The following PCDHGA7 variants were observed in gnomAD, a reference collection of about 807,000 sequenced individuals.
PCDHGA7 encodes the protein protocadherin gamma subfamily A, 7, also known as protocadherin gamma-A7.
In PCDHGA7, 44 loss-of-function variants were observed where a neutral mutation model predicts 58.3. The ratio of observed to expected loss-of-function variants is 0.75; its 90% CI spans 0.59 to 0.97. The LOEUF (loss-of-function observed/expected upper bound fraction) is 0.97. Ranked by LOEUF, PCDHGA7 falls within the 50% of genes least tolerant of loss-of-function variation. PCDHGA7 has a pLI of 0.00. For synonymous variants in PCDHGA7, 516 were observed against 504.2 expected, an observed-to-expected ratio of 1.02 and a Z score of -0.31; for missense variants, 1,266 against 1,188.7, an observed-to-expected ratio of 1.06 and a Z score of -0.96.
rs1412265811 is a variant in PCDHGA7, at chr5:141,461,565, A to G, written c.2425-33242A>G. Among the ~76,000 whole-genome samples the G allele has an allele frequency of 2.6e-5, 4 of 152,178 alleles. No individual in the cohort carries two copies. The East Asian group carries it at 7.7e-4, about 29-fold the overall frequency. On this transcript the variant is annotated intron_variant, in intron 1 of 3. Coordinates refer to ENST00000518325, the MANE Select transcript of PCDHGA7 (RefSeq NM_018920.4). ...CCTTTGTCAGATGTGTACTTTGCAA[A>G]GATAATATTTTGGATGTTATATTTC...
intron 2 of PCDHGA7, among the ~76,000 whole-genome samples, chr5:141,500,216 ATTT>A (rs979396489): frequency 3.1e-4 from 46 of 149,244 alleles, no homozygotes; most frequent in Non-Finnish European, 6.7e-4. Context: ...TTATTTATTT[ATTT>A]ATTTATTGAT....
intron 1 of PCDHGA7, among the ~76,000 whole-genome samples, chr5:141,465,038 G>T (rs1297185291): frequency 6.6e-6 from 1 of 151,642 alleles, no homozygotes; most frequent in Non-Finnish European, 1.5e-5. Flanking sequence ...CACCACAAAT[G>T]ACCCTATATA....
chr5:141,499,029 A>AAGGAAGGAAGGAAGGAAGG (rs1562187768), intron 2 of PCDHGA7, among the ~76,000 whole-genome samples: 3 of 140,076 alleles, frequency 2.1e-5, no homozygotes, highest in African/African-American at 8.3e-5. Flanking sequence ...AGGAAGGAAG[A>AAGGAAGGAAGGAAGGAAGG]AAAGAAAGAA....
intron 1 of PCDHGA7, among the ~76,000 whole-genome samples, chr5:141,469,212 G>A (rs114294512): frequency 0.021 from 3,174 of 151,360 alleles, 54 homozygotes; most frequent in Non-Finnish European, 0.032. Flanking sequence ...TTGAAGTTGA[G>A]GCTTCAGTGA....
chr5:141,482,126 A>G (rs1235540230), intron 1 of PCDHGA7, among the ~76,000 whole-genome samples: 1 of 152,004 alleles, frequency 6.6e-6, no homozygotes, highest in Non-Finnish European at 1.5e-5. Flanking sequence ...TGGGAGAATC[A>G]TATGGCTGGC....
At chr5:141,457,475 G>T (rs1203288452) in intron 1 of PCDHGA7, among the ~76,000 whole-genome samples, 1 of 152,142 alleles carries the variant, frequency 6.6e-6, no homozygotes, top group East Asian at 1.9e-4. Flanking sequence ...AATAAGCAGG[G>T]CCAGGGTTAG....
chr5:141,422,328 TGCTCTTCTAAA>T (rs2096641385), intron 1 of PCDHGA7: 1 of 1,548,384 alleles, frequency 6.5e-7, no homozygotes, highest in Admixed American at 2.1e-5. Flanking sequence ...GTACAGTGAT[TGCTCTTCTAAA>T]TGTGCAAGAT....
intron 1 of PCDHGA7, chr5:141,413,404 C>T: frequency 6.2e-7 from 1 of 1,614,046 alleles, no homozygotes; most frequent in Non-Finnish European, 8.5e-7. Context: ...AGGTAGGACG[C>T]AGCTTTTCTC....
At chr5:141,461,185 C>T (rs2154567265) in intron 1 of PCDHGA7, among the ~76,000 whole-genome samples, 1 of 152,134 alleles carries the variant, frequency 6.6e-6, no homozygotes, top group East Asian at 1.9e-4. Context: ...AATGGTAGAT[C>T]TGTTTTTTGC....
intron 3 of PCDHGA7, among the ~76,000 whole-genome samples, chr5:141,506,417 A>C (rs1326078146): frequency 6.8e-6 from 1 of 147,658 alleles, no homozygotes; most frequent in Non-Finnish European, 1.5e-5. Context: ...ACTGCACTCC[A>C]GCCTGGGCAA....
At chr5:141,498,520 A>T (rs1178141390) in intron 2 of PCDHGA7, among the ~76,000 whole-genome samples, 1 of 149,264 alleles carries the variant, frequency 6.7e-6, no homozygotes, top group Non-Finnish European at 1.5e-5. Flanking sequence ...CATCTTGCCC[A>T]CTGCCCTCCA....
intron 1 of PCDHGA7, among the ~76,000 whole-genome samples, chr5:141,425,114 T>A (rs537694464): frequency 5.9e-5 from 9 of 152,326 alleles, no homozygotes; most frequent in African/African-American, 2.2e-4. Context: ...TGCCTACATT[T>A]TTCTTGAAGT....
At chr5:141,414,422 G>T (rs369608304) in intron 1 of PCDHGA7, 1 of 1,613,866 alleles carries the variant, frequency 6.2e-7, no homozygotes, top group Non-Finnish European at 8.5e-7. Context: ...GCCCTTGACA[G>T]GGAACAGGTA....
At chr5:141,447,976 C>T (rs774074042) in intron 1 of PCDHGA7, among the ~76,000 whole-genome samples, 18 of 151,938 alleles carry the variant, frequency 1.2e-4, no homozygotes, top group Non-Finnish European at 2.5e-4. Flanking sequence ...ATCCCAGCTA[C>T]TCGGGAGGCT....
chr5:141,420,683 G>A (rs1308504595), intron 1 of PCDHGA7, among the ~76,000 whole-genome samples: 1 of 152,190 alleles, frequency 6.6e-6, no homozygotes, highest in Non-Finnish European at 1.5e-5. Context: ...ATTTTATCGG[G>A]ACCGTATTAT....
intron 1 of PCDHGA7, among the ~76,000 whole-genome samples, chr5:141,447,640 G>A (rs184184100): frequency 6.6e-6 from 1 of 152,198 alleles, no homozygotes; most frequent in Admixed American, 6.5e-5. Flanking sequence ...TATGAATGAT[G>A]GTAGAATTTT....
At chr5:141,417,937 C>T (rs571233315) in intron 1 of PCDHGA7, 2 of 1,612,530 alleles carry the variant, frequency 1.2e-6, no homozygotes, top group South Asian at 1.1e-5. Context: ...CTTTGTTCTA[C>T]CCCACGCTGT....
intron 1 of PCDHGA7, among the ~76,000 whole-genome samples, chr5:141,473,583 A>G (rs905824343): frequency 6.6e-6 from 1 of 152,226 alleles, no homozygotes; most frequent in Non-Finnish European, 1.5e-5. Flanking sequence ...CTAAGACCAG[A>G]CAGACCTGTA....
intron 1 of PCDHGA7, chr5:141,393,581 C>T (rs1356594219): frequency 5.0e-6 from 8 of 1,613,790 alleles, no homozygotes; most frequent in Non-Finnish European, 6.8e-6. Flanking sequence ...AGAACATGCC[C>T]CCAGGCACGC....
Sources: allele counts gnomAD v4.1 joint callset (sites outside exome capture counted in the v4.1 genomes callset), GRCh38; gene constraint gnomAD v4.1.1; transcripts MANE v1.5; gene names NCBI Gene and HGNC (gene_info 2026-07-23, HGNC 2026-07-21).